The following ANKFY1 variants were observed in gnomAD, a reference collection of about 807,000 sequenced individuals.
The protein encoded by ANKFY1 is ankyrin repeat and FYVE domain-containing protein 1.
A neutral mutation model predicts 128.3 loss-of-function variants in ANKFY1; 47 were observed. That is an observed-to-expected ratio of 0.37 (90% CI 0.29 to 0.47). The LOEUF is 0.47. ANKFY1 is among the 20% of genes least tolerant of loss of function. The pLI, the probability that ANKFY1 is intolerant of heterozygous loss-of-function variation, is 1.00. For synonymous variants in ANKFY1, 553 were observed against 601.6 expected (o/e 0.92, Z 1.18); for missense variants, 1,222 against 1,510.6 (o/e 0.81, Z 3.17).
Position 4,177,262 on chromosome 17 carries a change from T to C in ANKFY1, c.2639A>G (p.Gln880Arg), listed in dbSNP as rs2059425848. The stretch of plus-strand genomic sequence containing the variant: ...CAGCACACTTTCAATATCAGAGTTC[T>C]GAACTGCCACATGAAGGAAATTCCG... ...KGRNFLHVAV[Q>R]NSDIESVLFL... The change falls in exon 19 of 25, where the codon CAG (glutamine) becomes CGG (arginine). Residue 880 changes from glutamine (Q) to arginine (R), a missense_variant. Transcript: ENST00000341657. 3 of 1,599,198 alleles carry C rather than the reference T, an allele frequency of 1.9e-6. No homozygotes were observed. The highest frequency in any genetic ancestry group is 1.3e-5 in the African/African-American group (1 of 74,482).
chr17:4,177,482 C>A (rs2059429852), intron 18 of ANKFY1, among the ~76,000 whole-genome samples, 180 bp from the exon 19 acceptor site: 1 of 152,168 alleles, frequency 6.6e-6, no homozygotes, highest in Admixed American at 6.5e-5. Context: ...CAGACCCACT[C>A]TACACATCTG....
intron 10 of ANKFY1, among the ~76,000 whole-genome samples, chr17:4,190,848 C>T (rs556348311): frequency 1.8e-4 from 27 of 152,168 alleles, no homozygotes; most frequent in African/African-American, 6.5e-4. Flanking sequence ...AGATAAAGAA[C>T]TGTGACAGCC....
rs77596990 is a variant in ANKFY1, at chr17:4,216,497, C to G, written c.458+486G>C. On this transcript the variant is annotated intron_variant, in intron 4 of 24. Transcript: ENST00000341657. The stretch of plus-strand genomic sequence containing the variant: ...CACAGCATGCTATCTCCTTGACAAC[C>G]TAAAATGCAGTAACTTAAATGAAGT... The G allele has an allele frequency of 4.2e-3, 785 of 188,762 alleles. 5 individuals are homozygous for G. Among genetic ancestry groups the G allele is most frequent in the African/African-American group, 0.018 (755 of 42,928 alleles). The allele number at this position is 188,762 out of a possible 1,614,324, so 11.7% of individuals were successfully genotyped here.
In ANKFY1 at chr17:4,177,240, C is replaced by G. The variant is rs1197420708; in HGVS notation, c.2661G>C (p.Val887=). 4 of 1,606,510 alleles carry G rather than the reference C, an allele frequency of 2.5e-6. No individual in the cohort carries two copies. Among genetic ancestry groups the G allele is most frequent in the Non-Finnish European group, 3.4e-6 (4 of 1,176,348 alleles). ...VAVQNSDIES[V]LFLISVHANV... The stretch of plus-strand genomic sequence containing the variant: ...TAGCGTGGACACTGATCAGGAACAG[C>G]ACACTTTCAATATCAGAGTTCTGAA... Residue 887 remains valine (V), a synonymous_variant, in exon 19 of 25, where the codon GTG becomes GTC. Transcript: ENST00000341657.
chr17:4,249,416 TAA>T (rs1357176875), intron 1 of ANKFY1, among the ~76,000 whole-genome samples: 1 of 152,242 alleles, frequency 6.6e-6, no homozygotes, highest in East Asian at 1.9e-4. Flanking sequence ...TTAATATTTA[TAA>T]GTTATTTTTA....
intron 10 of ANKFY1, among the ~76,000 whole-genome samples, chr17:4,193,164 G>T (rs1219067170): frequency 1.3e-5 from 2 of 152,168 alleles, no homozygotes; most frequent in Admixed American, 1.3e-4. Flanking sequence ...AGAGAATGCT[G>T]CATCCTATAA....
chr17:4,186,822 G>A (rs2059620479), intron 11 of ANKFY1: 1 of 994,640 alleles, frequency 1.0e-6, no homozygotes, highest in Non-Finnish European at 1.2e-6. Context: ...CTGCAAGGAA[G>A]AGACTCTCAA....
intron 1 of ANKFY1, among the ~76,000 whole-genome samples, chr17:4,262,284 C>T (rs1968460882): frequency 6.6e-6 from 1 of 152,064 alleles, no homozygotes; most frequent in Non-Finnish European, 1.5e-5. Flanking sequence ...CACAGGCACC[C>T]GCCATCACTC....
Position 4,167,486 on chromosome 17 carries a change from T to C in ANKFY1, c.*293A>G, listed in dbSNP as rs1330232625. ...ATGGTTTTCCAAGTGTCCCTGTATG[T>C]TGCTAGCAGAATGGGGAGAGGTCTA... is the stretch of plus-strand genomic sequence containing the variant. On this transcript the variant is annotated 3_prime_UTR_variant, in exon 25 of 25. Transcript: ENST00000341657. This position sits in a 1 kb window ranked among gnomAD's most constrained non-coding sequence, Gnocchi z 4.1. The C allele has an allele frequency of 4.0e-6, 1 of 252,064 alleles. No homozygotes were observed. The highest frequency in any genetic ancestry group is 7.5e-6 in the Non-Finnish European group (1 of 132,608). 15.6% of individuals were successfully genotyped at this position (252,064 alleles called of 1,614,324 possible).
chr17:4,195,659 A>G (rs762151814), intron 8 of ANKFY1, among the ~76,000 whole-genome samples, 188 bp from the exon 9 acceptor site: 1 of 152,174 alleles, frequency 6.6e-6, no homozygotes, highest in Non-Finnish European at 1.5e-5. Context: ...ACCATTATTC[A>G]GCGGCCAAAA....
chr17:4,196,978 G>A (rs1169487786), intron 8 of ANKFY1, among the ~76,000 whole-genome samples: 3 of 152,216 alleles, frequency 2.0e-5, no homozygotes, highest in African/African-American at 4.8e-5. Flanking sequence ...AATCAGCCAA[G>A]TGGGGTGGCG....
At chr17:4,245,523 G>T (rs985946923) in intron 1 of ANKFY1, among the ~76,000 whole-genome samples, 1 of 151,944 alleles carries the variant, frequency 6.6e-6, no homozygotes. Flanking sequence ...TAAGTTTTTT[G>T]GAGAGATGGG....
At chr17:4,222,631 G>T in intron 3 of ANKFY1, 3 of 1,021,252 alleles carry the variant, frequency 2.9e-6, no homozygotes, top group Non-Finnish European at 4.6e-6. Context: ...GAATTTTACC[G>T]TCTTAAATTT....
At chr17:4,239,788 C>T (rs1417206482) in intron 2 of ANKFY1, among the ~76,000 whole-genome samples, 2 of 152,162 alleles carry the variant, frequency 1.3e-5, no homozygotes, top group Non-Finnish European at 2.9e-5. Context: ...ATCCACCTGC[C>T]TCGGCCTCCC....
At chr17:4,198,038 A>G (rs1056453635) in intron 7 of ANKFY1, among the ~76,000 whole-genome samples, 1 of 151,860 alleles carries the variant, frequency 6.6e-6, no homozygotes, top group Non-Finnish European at 1.5e-5. Context: ...CTGAGGCACG[A>G]GATTCGCTTG....
At chr17:4,223,721 T>G in intron 3 of ANKFY1, 1 of 1,592,172 alleles carries the variant, frequency 6.3e-7, no homozygotes, top group Non-Finnish European at 8.6e-7. Flanking sequence ...TGATGAACCA[T>G]TTGCTGTGAT....
chr17:4,241,247 G>A (rs1044927419), intron 2 of ANKFY1, among the ~76,000 whole-genome samples: 4 of 146,832 alleles, frequency 2.7e-5, no homozygotes, highest in East Asian at 2.0e-4. Flanking sequence ...CTAATAAGTC[G>A]CCAGCTGAGC....
chr17:4,183,939 T>C (rs765531051), intron 12 of ANKFY1, 29 bp from the exon 13 acceptor site: 16 of 1,560,940 alleles, frequency 1.0e-5, no homozygotes, highest in Non-Finnish European at 1.3e-5. Flanking sequence ...AAAAGAACAC[T>C]TGATGTCACC....
intron 23 of ANKFY1, among the ~76,000 whole-genome samples, chr17:4,170,454 G>A (rs1212891520): frequency 6.6e-6 from 1 of 152,146 alleles, no homozygotes; most frequent in Non-Finnish European, 1.5e-5. Context: ...TGGCCTGCCT[G>A]GAGCTTTGGC....
Sources: gnomAD v4.1 joint callset for allele counts (sites outside exome capture counted in the v4.1 genomes callset) on GRCh38, gnomAD v4.1.1 for gene constraint, Gnocchi (gnomAD v3.1) non-coding constraint, MANE v1.5 for transcripts, NCBI Gene and HGNC (gene_info 2026-07-23, HGNC 2026-07-21) for gene names.